Variants in DNAH11 observed in about 807,000 individuals in gnomAD.
DNAH11 encodes dynein axonemal heavy chain 11, also known as axonemal beta dynein heavy chain 11.
A neutral mutation model predicts 526.0 loss-of-function variants in DNAH11; 442 were observed. The observed-to-expected ratio is 0.84, with a 90% CI of 0.78 to 0.91. DNAH11 has a LOEUF of 0.91. DNAH11 is among the 40% of genes least tolerant of loss of function. DNAH11 has a pLI of 0.00. For synonymous variants in DNAH11, 2,461 were observed against 1,935.9 expected, an observed-to-expected ratio of 1.27 and a Z score of -7.12; for missense variants, 6,989 against 5,448.7, an observed-to-expected ratio of 1.28 and a Z score of -8.90.
At chr7:21,622,979 A>C (rs1334453998) in intron 25 of DNAH11, among the ~76,000 whole-genome samples, 1 of 152,214 alleles carries the variant, frequency 6.6e-6, no homozygotes, top group Non-Finnish European at 1.5e-5. Context: ...GGATCTAATT[A>C]AACTGAAGAG....
chr7:21,545,253 A>T, intron 2 of DNAH11, 104 bp downstream of exon 2: 9 of 485,282 alleles, frequency 1.9e-5, no homozygotes, highest in Non-Finnish European at 2.9e-5. Flanking sequence ...TAGGAGGGGA[A>T]GGGAAGGGGA....
chr7:21,757,121 A>T (rs1425296091), intron 54 of DNAH11, among the ~76,000 whole-genome samples: 1 of 152,202 alleles, frequency 6.6e-6, no homozygotes, highest in Non-Finnish European at 1.5e-5. Flanking sequence ...TAATTCCACT[A>T]GCTTCTGCAT....
At chr7:21,756,031 A>G (rs1786621426) in intron 54 of DNAH11, among the ~76,000 whole-genome samples, 1 of 152,048 alleles carries the variant, frequency 6.6e-6, no homozygotes, top group South Asian at 2.1e-4. Context: ...TGCTAACTTT[A>G]TGATGACCTC....
chr7:21,727,222 C>T (rs918609678), intron 45 of DNAH11, among the ~76,000 whole-genome samples: 9 of 151,894 alleles, frequency 5.9e-5, no homozygotes, highest in East Asian at 3.9e-4. Flanking sequence ...CGTGAGCCAC[C>T]GTGCCTGGCC....
chr7:21,862,934 G>T (rs942714441), intron 69 of DNAH11, among the ~76,000 whole-genome samples: 2 of 151,938 alleles, frequency 1.3e-5, no homozygotes, highest in Admixed American at 6.5e-5. Context: ...CGTGGTGGCA[G>T]GCACCTGTAG....
At chr7:21,749,995 A>T (rs1308983154) in intron 53 of DNAH11, among the ~76,000 whole-genome samples, 194 bp downstream of exon 53, 1 of 152,210 alleles carries the variant, frequency 6.6e-6, no homozygotes, top group Non-Finnish European at 1.5e-5. Flanking sequence ...CCTTCAGTGA[A>T]GTAAATGTTA....
rs1246686356 is a variant in DNAH11, at chr7:21,734,163, T to C, written c.7441-1477T>C. ...CGAAGTACTGCCACTTACTAGTAGCTATGACCTTGACCGAGTCAGTTATGT... is the reference window on the plus strand; with the variant it reads ...CGAAGTACTGCCACTTACTAGTAGCCATGACCTTGACCGAGTCAGTTATGT... On this transcript the variant is annotated intron_variant, in intron 45 of 81. Transcript: ENST00000409508. Among the ~76,000 whole-genome samples the C allele has an allele frequency of 1.3e-5, 2 of 152,218 alleles. 1 individual carries two copies.
At chr7:21,674,152 T>A (rs1328444074) in intron 30 of DNAH11, among the ~76,000 whole-genome samples, 1 of 151,250 alleles carries the variant, frequency 6.6e-6, no homozygotes, top group Non-Finnish European at 1.5e-5. Flanking sequence ...CTCTGCCTCC[T>A]GGGTTCAAGC....
chr7:21,841,436 GA>G (rs1043062441), intron 65 of DNAH11, among the ~76,000 whole-genome samples: 2 of 152,076 alleles, frequency 1.3e-5, no homozygotes, highest in African/African-American at 4.8e-5. Context: ...GTTGATGAGG[GA>G]AAAAAACATC....
chr7:21,574,072 A>G (rs773933240), intron 8 of DNAH11, among the ~76,000 whole-genome samples: 14 of 152,196 alleles, frequency 9.2e-5, no homozygotes, highest in Non-Finnish European at 1.9e-4. Flanking sequence ...GGGTTTCTCA[A>G]TTATTGAATG....
In DNAH11 at chr7:21,750,330, A is replaced by T; in HGVS notation, c.8906A>T (p.Lys2969Ile). Residue 2969 changes from lysine (K) to isoleucine (I), a missense_variant, in exon 54 of 82, where the codon AAA becomes ATA. Lys to Ile is a moderately radical substitution (Grantham distance 102). Coordinates refer to ENST00000409508, the MANE Select transcript of DNAH11 (RefSeq NM_001277115.2). ...GTAGACTCCAGGGAAAACTGTTGGA[A>T]ATTCTTTATGGCCAGGGTGCGACTA... Reference protein sequence around the residue: ...GMVDSRENCWKFFMARVRLQL... With the variant: ...GMVDSRENCWIFFMARVRLQL... The T allele has an allele frequency of 6.2e-7, 1 of 1,605,894 alleles. No individual in the cohort carries two copies. The highest frequency in any genetic ancestry group is 8.5e-7 in the Non-Finnish European group (1 of 1,176,038).
At chr7:21,872,834 G>T (rs903083480) in intron 73 of DNAH11, among the ~76,000 whole-genome samples, 7 of 152,156 alleles carry the variant, frequency 4.6e-5, no homozygotes, top group Non-Finnish European at 7.4e-5. Context: ...AGTAGAAGAG[G>T]TTTCCATCAG....
At chr7:21,786,138 T>G (rs2127986585) in intron 58 of DNAH11, among the ~76,000 whole-genome samples, 1 of 152,280 alleles carries the variant, frequency 6.6e-6, no homozygotes, top group Non-Finnish European at 1.5e-5. Flanking sequence ...AGTTGAGAGT[T>G]CCTGTAGTGT....
intron 56 of DNAH11, among the ~76,000 whole-genome samples, 167 bp from the exon 57 acceptor site, chr7:21,778,791 A>G (rs1272423132): frequency 1.3e-5 from 2 of 152,206 alleles, no homozygotes; most frequent in Non-Finnish European, 2.9e-5. Context: ...GTGGAGAAAA[A>G]CAATGTGGCT....
intron 66 of DNAH11, among the ~76,000 whole-genome samples, chr7:21,846,559 C>A (rs1416188101): frequency 6.6e-6 from 1 of 151,996 alleles, no homozygotes; most frequent in African/African-American, 2.4e-5. Context: ...GAATAAATCC[C>A]ACTTGGTCGT....
chr7:21,867,064 C>T lies in DNAH11; in HGVS notation c.11690+401C>T, dbSNP rs181363483. 1.3e-4 allele frequency among the ~76,000 whole-genome samples: 20 copies of T among 152,276 alleles called. 1 individual carries two copies. Among genetic ancestry groups the T allele is most frequent in the African/African-American group, 1.9e-4 (8 of 41,572 alleles). On this transcript the variant is annotated intron_variant, in intron 71 of 81. Coordinates refer to ENST00000409508, the MANE Select transcript of DNAH11 (RefSeq NM_001277115.2). ...TTGCATGTCAAACAAAAATGCATTC[C>T]TTTCATGGAGTCACTCATAGTCCCT...
At chr7:21,847,961 C>T (rs574782538) in intron 66 of DNAH11, among the ~76,000 whole-genome samples, 13 of 151,902 alleles carry the variant, frequency 8.6e-5, no homozygotes, top group Admixed American at 1.3e-4. Flanking sequence ...GTCAGGGGAT[C>T]GATACCATCC....
chr7:21,608,428 A>G (rs561205941), intron 20 of DNAH11, among the ~76,000 whole-genome samples: 2 of 152,166 alleles, frequency 1.3e-5, no homozygotes, highest in Admixed American at 6.5e-5. Flanking sequence ...TGTCACCCTG[A>G]TTTCATTTCA....
intron 74 of DNAH11, 131 bp downstream of exon 74, chr7:21,873,632 T>TTCGC: frequency 2.4e-6 from 2 of 827,212 alleles, no homozygotes; most frequent in Non-Finnish European, 3.9e-6. Context: ...TGTGGAAGGG[T>TTCGC]AGGGGTGGGC....
Sources: gnomAD v4.1 joint callset for allele counts (sites outside exome capture counted in the v4.1 genomes callset) on GRCh38, gnomAD v4.1.1 for gene constraint, MANE v1.5 for transcripts, NCBI Gene and HGNC (gene_info 2026-07-23, HGNC 2026-07-21) for gene names.